CSRNP3: variants seen among roughly 807,000 people sequenced by gnomAD.
The protein encoded by CSRNP3 is cysteine and serine rich nuclear protein 3.
A neutral mutation model predicts 48.0 loss-of-function variants in CSRNP3; 12 were observed. The ratio of observed to expected loss-of-function variants is 0.25; its 90% CI spans 0.16 to 0.41. The LOEUF is 0.41. Among genes scored for constraint, CSRNP3 ranks in the 10% least tolerant of loss-of-function variants. CSRNP3 has a pLI of 1.00. For missense variants in CSRNP3, 580 were observed against 724.4 expected (o/e 0.80, Z 2.29); for synonymous variants, 263 against 269.7 (o/e 0.98, Z 0.24).
intron 1 of CSRNP3, among the ~76,000 whole-genome samples, chr2:165,492,238 A>G (rs1232516339): frequency 6.6e-6 from 1 of 152,158 alleles, no homozygotes; most frequent in Admixed American, 6.6e-5. Flanking sequence ...TTCTGATGAA[A>G]TAGCAAGCTA....
intron 4 of CSRNP3, among the ~76,000 whole-genome samples, chr2:165,599,671 G>T (rs987137205): frequency 2.0e-5 from 3 of 152,124 alleles, no homozygotes; most frequent in African/African-American, 4.8e-5. Context: ...CAGATTATTT[G>T]CTAGTCCAAA....
At chr2:165,616,328 G>C (rs1390599118) in intron 4 of CSRNP3, among the ~76,000 whole-genome samples, 1 of 151,840 alleles carries the variant, frequency 6.6e-6, no homozygotes, top group African/African-American at 2.4e-5. Flanking sequence ...TTTCTCATTT[G>C]TTTCTTTCTC....
At chr2:165,614,688 C>T (rs146782180) in intron 4 of CSRNP3, among the ~76,000 whole-genome samples, 152 of 152,082 alleles carry the variant, frequency 1.0e-3, no homozygotes, top group African/African-American at 3.5e-3. Flanking sequence ...AAGATAATAA[C>T]GTGGTTTTGG....
intron 1 of CSRNP3, among the ~76,000 whole-genome samples, chr2:165,492,511 A>T (rs531873186): frequency 1.3e-5 from 2 of 151,866 alleles, no homozygotes; most frequent in East Asian, 3.9e-4. Context: ...CCTCCATGTT[A>T]TTACCTCTTG....
chr2:165,562,782 A>G (rs1291599907), intron 3 of CSRNP3, among the ~76,000 whole-genome samples: 4 of 152,194 alleles, frequency 2.6e-5, no homozygotes, highest in African/African-American at 9.6e-5. Flanking sequence ...GTTTATTAAT[A>G]TCTTTCTAGA....
intron 2 of CSRNP3, 142 bp from the exon 3 acceptor site, chr2:165,517,731 G>C (rs1684599873): frequency 6.6e-6 from 1 of 152,362 alleles, no homozygotes. Flanking sequence ...TGATTATTCA[G>C]TTCTGTATTT....
At position 165,681,787 on chromosome 2, in the gene CSRNP3, A is replaced by C. The variant is rs1410289205; in HGVS notation, c.*2034A>C. 1 of 137,290 alleles carries C rather than the reference A, an allele frequency of 7.3e-6. No homozygotes were observed. The highest frequency in any genetic ancestry group is 1.5e-5 in the Non-Finnish European group (1 of 64,596). The allele number at this position is 137,290 out of a possible 1,614,324, so 8.5% of individuals were successfully genotyped here. On this transcript the variant is annotated 3_prime_UTR_variant, in exon 7 of 7. Coordinates refer to ENST00000651982, the MANE Select transcript of CSRNP3 (RefSeq NM_001172173.2). ...CACACACACACACACATACACATATATATACACATATATGTATGTGTGTGT... is the reference window on the plus strand; with the variant it reads ...CACACACACACACACATACACATATCTATACACATATATGTATGTGTGTGT...
chr2:165,608,789 T>TA (rs34437387), intron 4 of CSRNP3, among the ~76,000 whole-genome samples: 194 of 148,080 alleles, frequency 1.3e-3, no homozygotes, highest in Non-Finnish European at 2.5e-3. Flanking sequence ...GTAAAAAAAT[T>TA]AAAAAAAAAA....
intron 4 of CSRNP3, among the ~76,000 whole-genome samples, chr2:165,646,020 C>T (rs886448878): frequency 6.6e-6 from 1 of 152,102 alleles, no homozygotes; most frequent in Non-Finnish European, 1.5e-5. Flanking sequence ...GCTGGGATAA[C>T]AGGCATGAGC....
chr2:165,559,694 C>T (rs1350019204), intron 3 of CSRNP3, among the ~76,000 whole-genome samples: 1 of 150,990 alleles, frequency 6.6e-6, no homozygotes, highest in East Asian at 1.9e-4. Flanking sequence ...GACAAGAGAT[C>T]TATAAAAACA....
chr2:165,591,625 C>A (rs550936638), intron 3 of CSRNP3, among the ~76,000 whole-genome samples: 1 of 152,158 alleles, frequency 6.6e-6, no homozygotes, highest in East Asian at 1.9e-4. Context: ...GTCCCAGCTG[C>A]TTCAGCTCCA....
intron 4 of CSRNP3, among the ~76,000 whole-genome samples, chr2:165,609,383 C>A (rs1278787800): frequency 7.3e-6 from 1 of 137,508 alleles, no homozygotes; most frequent in African/African-American, 2.7e-5. Flanking sequence ...GGCGTGAACT[C>A]GGGAGATGGA....
chr2:165,589,781 T>C (rs573845089), intron 3 of CSRNP3, among the ~76,000 whole-genome samples: 33 of 152,092 alleles, frequency 2.2e-4, no homozygotes, highest in Non-Finnish European at 4.6e-4. Flanking sequence ...AAAAGAAGAG[T>C]ACCAAGTACC....
chr2:165,655,601 C>T (rs1686990064), intron 4 of CSRNP3, among the ~76,000 whole-genome samples: 1 of 152,128 alleles, frequency 6.6e-6, no homozygotes, highest in Admixed American at 6.6e-5. Context: ...GTAAAAATGA[C>T]GACAAACAAG....
intron 4 of CSRNP3, among the ~76,000 whole-genome samples, chr2:165,602,955 C>T (rs531675746): frequency 3.9e-4 from 60 of 151,982 alleles, no homozygotes; most frequent in African/African-American, 1.3e-3. Flanking sequence ...AGTGCAGTGG[C>T]GCAATCTCGG....
chr2:165,675,644 G>A (rs948831079), intron 5 of CSRNP3, among the ~76,000 whole-genome samples: 4 of 152,198 alleles, frequency 2.6e-5, no homozygotes, highest in Non-Finnish European at 5.9e-5. Flanking sequence ...TCTGAGGGCA[G>A]AGTTTATTGT....
rs539905823 is a variant in CSRNP3 at position 165,477,892 on chromosome 2, G to C, written c.-283+8152G>C. On this transcript the variant is annotated intron_variant, in intron 1 of 6. Transcript: ENST00000651982. ...CCTGGGAGGCCAAGGCAGGAGAATT[G>C]CTTGAACTTGCAAGGTGGAGGTTGC... Among the ~76,000 whole-genome samples the C allele has an allele frequency of 9.9e-4, 150 of 152,088 alleles. 2 individuals are homozygous for C. Among genetic ancestry groups the C allele is most frequent in the African/African-American group, 3.4e-3 (142 of 41,504 alleles).
chr2:165,624,980 A>G (rs1274155937), intron 4 of CSRNP3, among the ~76,000 whole-genome samples: 1 of 152,222 alleles, frequency 6.6e-6, no homozygotes, highest in Non-Finnish European at 1.5e-5. Flanking sequence ...CGGCAACTGC[A>G]TCACACTGCC....
intron 1 of CSRNP3, among the ~76,000 whole-genome samples, chr2:165,483,179 C>T (rs1558912768): frequency 6.6e-6 from 1 of 151,968 alleles, no homozygotes; most frequent in Non-Finnish European, 1.5e-5. Context: ...TTTCCATAAT[C>T]ATAAAATCTC....
Sources: allele counts gnomAD v4.1 joint callset (sites outside exome capture counted in the v4.1 genomes callset), GRCh38; gene constraint gnomAD v4.1.1; transcripts MANE v1.5; gene names NCBI Gene and HGNC (gene_info 2026-07-23, HGNC 2026-07-21).